F13A1: variants seen among roughly 807,000 people sequenced by gnomAD.
The protein encoded by F13A1 is coagulation factor XIII A chain.
Under a neutral mutation model 80.1 loss-of-function variants are expected in F13A1, and 47 were observed. The observed-to-expected ratio is 0.59, with a 90% CI of 0.46 to 0.75. The LOEUF is 0.75. Ranked by LOEUF, F13A1 falls within the 30% of genes least tolerant of loss-of-function variation. F13A1 has a pLI of 0.00. For synonymous variants in F13A1, 349 were observed against 344.9 expected (o/e 1.01, Z -0.13); for missense variants, 817 against 930.4 (o/e 0.88, Z 1.59).
intron 3 of F13A1, among the ~76,000 whole-genome samples, chr6:6,298,333 A>C (rs1758363650): frequency 6.7e-6 from 1 of 149,016 alleles, no homozygotes. Context: ...GATCTGTCTA[A>C]TGTTGACAGT....
At chr6:6,170,484 C>T (rs923308249) in intron 12 of F13A1, among the ~76,000 whole-genome samples, 6 of 152,178 alleles carry the variant, frequency 3.9e-5, no homozygotes, top group African/African-American at 1.4e-4. Flanking sequence ...GTTTATTAAA[C>T]GTGGCAGGAG....
In F13A1 at chr6:6,305,413, T is replaced by C; in HGVS notation, c.257A>G (p.Gln86Arg). ...GTCATATGGACGACTGAAGTCAATC[T>C]GCACATAGAAAGACTGCCCTCTGCG... is the stretch of plus-strand genomic sequence containing the variant. ...IVRRGQSFYV[Q>R]IDFSRPYDPR... The change falls in exon 3 of 15, where the codon CAG becomes CGG. Residue 86 changes from glutamine (Q) to arginine (R), a missense_variant. Transcript: ENST00000264870. The C allele has an allele frequency of 1.2e-6, 2 of 1,614,254 alleles. No homozygotes were observed. Among genetic ancestry groups the C allele is most frequent in the African/African-American group, 1.3e-5 (1 of 75,066 alleles).
chr6:6,255,144 T>C (rs2113108617), intron 4 of F13A1, among the ~76,000 whole-genome samples: 1 of 152,286 alleles, frequency 6.6e-6, no homozygotes, highest in East Asian at 1.9e-4. Flanking sequence ...GGGGTAACAT[T>C]TATCCCACTG....
At chr6:6,182,574 A>G (rs1031543678) in intron 10 of F13A1, among the ~76,000 whole-genome samples, 1 of 152,160 alleles carries the variant, frequency 6.6e-6, no homozygotes, top group Admixed American at 6.5e-5. Context: ...TTCCCCTTTG[A>G]AAAAGGAGAG....
intron 3 of F13A1, among the ~76,000 whole-genome samples, chr6:6,278,681 C>T (rs768065093): frequency 6.6e-6 from 1 of 151,310 alleles, no homozygotes; most frequent in African/African-American, 2.4e-5. Context: ...AGATTAGACG[C>T]CTGGAGCAGA....
rs1233747375 is a variant in F13A1, at chr6:6,162,953, C to T, written c.1908+4505G>A. On this transcript the variant is annotated intron_variant, in intron 13 of 14. Coordinates refer to ENST00000264870, the MANE Select transcript of F13A1 (RefSeq NM_000129.4). The surrounding 1 kb of genome is among the most constrained non-coding windows in gnomAD (Gnocchi z 4.2). ...AATCAGTAAAATAGGGTTATAGTAA[C>T]GTCCTCCTTGTAGGATGGTATAGAG... is the stretch of plus-strand genomic sequence containing the variant. Among the ~76,000 whole-genome samples, 12 of 152,216 alleles carry T rather than the reference C, an allele frequency of 7.9e-5. No individual in the cohort carries two copies. Among genetic ancestry groups the T allele is most frequent in the Non-Finnish European group, 1.3e-4 (9 of 68,026 alleles).
chr6:6,295,036 T>C (rs900116225), intron 3 of F13A1, among the ~76,000 whole-genome samples: 1 of 145,114 alleles, frequency 6.9e-6, no homozygotes, highest in Non-Finnish European at 1.5e-5. Context: ...AGAATGATGA[T>C]TTCCAATTTC....
intron 4 of F13A1, among the ~76,000 whole-genome samples, chr6:6,252,251 G>A (rs1011049201): frequency 2.0e-5 from 3 of 152,138 alleles, no homozygotes. Context: ...TTAATCTACA[G>A]ACCTTAATCC....
chr6:6,191,754 A>T (rs1002736642), intron 10 of F13A1, among the ~76,000 whole-genome samples: 1 of 152,234 alleles, frequency 6.6e-6, no homozygotes, highest in Non-Finnish European at 1.5e-5. Flanking sequence ...CTCTGCAGAG[A>T]AAATGCTGCT....
chr6:6,227,488 T>C (rs1757292405), intron 6 of F13A1, among the ~76,000 whole-genome samples: 1 of 152,340 alleles, frequency 6.6e-6, no homozygotes, highest in South Asian at 2.1e-4. Context: ...TAGCCAAACA[T>C]TATGGCTATA....
intron 4 of F13A1, among the ~76,000 whole-genome samples, chr6:6,261,409 G>C (rs1216844754): frequency 6.6e-6 from 1 of 152,188 alleles, no homozygotes; most frequent in African/African-American, 2.4e-5. Flanking sequence ...CTGCTCTGGG[G>C]GCCATGCCCA....
intron 10 of F13A1, among the ~76,000 whole-genome samples, chr6:6,195,317 G>A (rs1761269996): frequency 6.6e-6 from 1 of 152,202 alleles, no homozygotes; most frequent in African/African-American, 2.4e-5. Flanking sequence ...CCTGGCCACA[G>A]GTGATGGTGT....
At chr6:6,297,749 C>G (rs1161070245) in intron 3 of F13A1, among the ~76,000 whole-genome samples, 1 of 149,448 alleles carries the variant, frequency 6.7e-6, no homozygotes, top group African/African-American at 2.6e-5. Flanking sequence ...CTATTTCCTT[C>G]AGTTCTGCTC....
At chr6:6,233,564 T>C (rs1310812633) in intron 6 of F13A1, among the ~76,000 whole-genome samples, 1 of 151,982 alleles carries the variant, frequency 6.6e-6, no homozygotes, top group African/African-American at 2.4e-5. Flanking sequence ...TTCCACAAGA[T>C]AGAGAAAGAA....
chr6:6,260,419 T>G (rs774591587), intron 4 of F13A1, among the ~76,000 whole-genome samples: 6 of 152,062 alleles, frequency 3.9e-5, no homozygotes, highest in Non-Finnish European at 8.8e-5. Flanking sequence ...CTGGAAACAG[T>G]TTTCCTTCTT....
At position 6,151,904 on chromosome 6, in the gene F13A1, C is replaced by G. The variant is rs5988; in HGVS notation, c.1954G>C (p.Glu652Gln). ...GTTTCTTTTAAAGGATTGGTAAACT[C>G]AACTGTCACAGTCATGTCAGAACCA... ...VVGSDMTVTV[E>Q]FTNPLKETLR... Residue 652 changes from glutamate (E) to glutamine (Q), a missense_variant, in exon 14 of 15, where the codon GAG becomes CAG. Glu to Gln is a conservative substitution (Grantham distance 29, BLOSUM62 2). Transcript: ENST00000264870. 0.22 allele frequency: 359,178 copies of G among 1,613,450 alleles called. 40,803 individuals are homozygous for G. Among genetic ancestry groups the G allele is most frequent in the Middle Eastern group, 0.3 (1,798 of 6,056 alleles).
At chr6:6,301,722 G>T (rs977268800) in intron 3 of F13A1, among the ~76,000 whole-genome samples, 5 of 152,208 alleles carry the variant, frequency 3.3e-5, no homozygotes, top group East Asian at 3.8e-4. Context: ...CCATTGTTGG[G>T]AGTGTTGGTG....
At chr6:6,234,459 C>T (rs1244721147) in intron 6 of F13A1, among the ~76,000 whole-genome samples, 2 of 151,830 alleles carry the variant, frequency 1.3e-5, no homozygotes, top group Non-Finnish European at 2.9e-5. Flanking sequence ...AAACAAAGAA[C>T]CCAGGAACAG....
At chr6:6,201,379 T>C (rs1329273614) in intron 8 of F13A1, among the ~76,000 whole-genome samples, 2 of 152,190 alleles carry the variant, frequency 1.3e-5, no homozygotes, top group Non-Finnish European at 2.9e-5. Context: ...GGTCAGGAAC[T>C]TGCAGGCAGT....
Sources: gnomAD v4.1 joint callset for allele counts (sites outside exome capture counted in the v4.1 genomes callset) on GRCh38, gnomAD v4.1.1 for gene constraint, Gnocchi (gnomAD v3.1) non-coding constraint, MANE v1.5 for transcripts, NCBI Gene and HGNC (gene_info 2026-07-23, HGNC 2026-07-21) for gene names.